The following PCDHA1 variants were observed in gnomAD, a reference collection of about 807,000 sequenced individuals.
PCDHA1 encodes the protein protocadherin alpha 1, also known as protocadherin alpha-1.
Under a neutral mutation model 61.3 loss-of-function variants are expected in PCDHA1, and 42 were observed. The ratio of observed to expected loss-of-function variants is 0.69; its 90% CI spans 0.54 to 0.89. The LOEUF (loss-of-function observed/expected upper bound fraction) is 0.89. Among genes scored for constraint, PCDHA1 ranks in the 40% least tolerant of loss-of-function variants. The pLI is 0.00. For synonymous variants in PCDHA1, 610 were observed against 553.8 expected, an observed-to-expected ratio of 1.10 and a Z score of -1.43; for missense variants, 1,256 against 1,235.3, an observed-to-expected ratio of 1.02 and a Z score of -0.25.
At chr5:140,875,094 T>C (rs1554167483) in intron 1 of PCDHA1, among the ~76,000 whole-genome samples, 1 of 152,258 alleles carries the variant, frequency 6.6e-6, no homozygotes. Flanking sequence ...AAATTGTTGA[T>C]GTTTTGTTAC....
chr5:140,903,301 A>G (rs575233990), intron 1 of PCDHA1, among the ~76,000 whole-genome samples: 1 of 152,302 alleles, frequency 6.6e-6, no homozygotes, highest in East Asian at 1.9e-4. Context: ...GAAATTTAGT[A>G]TACAATAAAG....
chr5:140,976,933 A>G (rs1554238099), intron 1 of PCDHA1, among the ~76,000 whole-genome samples: 1 of 152,198 alleles, frequency 6.6e-6, no homozygotes, highest in African/African-American at 2.4e-5. Context: ...CTGTGTAGCT[A>G]CTTAAAACAT....
intron 1 of PCDHA1, among the ~76,000 whole-genome samples, chr5:140,887,239 G>C (rs1248062448): frequency 6.6e-6 from 1 of 151,736 alleles, no homozygotes. Flanking sequence ...TGAGACTACC[G>C]GCGCCCGCCA....
At chr5:140,997,335 A>G (rs2097768018) in intron 3 of PCDHA1, among the ~76,000 whole-genome samples, 1 of 152,230 alleles carries the variant, frequency 6.6e-6, no homozygotes, top group African/African-American at 2.4e-5. Context: ...TTCGTTGTAC[A>G]AATATCATAG....
chr5:140,962,370 T>G (rs1554225991), intron 1 of PCDHA1, among the ~76,000 whole-genome samples: 1 of 152,214 alleles, frequency 6.6e-6, no homozygotes, highest in South Asian at 2.1e-4. Flanking sequence ...GCTAGTTTGA[T>G]TTTATCTGTT....
chr5:140,937,868 C>T (rs1433466146), intron 1 of PCDHA1, among the ~76,000 whole-genome samples: 2 of 150,648 alleles, frequency 1.3e-5, no homozygotes, highest in Admixed American at 6.6e-5. Context: ...GCCGAGATCG[C>T]GCCACTGCAC....
intron 1 of PCDHA1, among the ~76,000 whole-genome samples, chr5:140,893,688 C>G (rs903086896): frequency 6.6e-6 from 1 of 152,168 alleles, no homozygotes; most frequent in Admixed American, 6.5e-5. Context: ...TATATCATCT[C>G]ATTCTATCCT....
intron 1 of PCDHA1, among the ~76,000 whole-genome samples, chr5:140,940,236 A>G (rs1487572447): frequency 1.3e-5 from 2 of 152,200 alleles, no homozygotes; most frequent in East Asian, 3.8e-4. Flanking sequence ...TTGGTACATT[A>G]AAGTTACCTC....
At chr5:140,979,894 C>G (rs1183667310) in intron 2 of PCDHA1, among the ~76,000 whole-genome samples, 2 of 152,206 alleles carry the variant, frequency 1.3e-5, no homozygotes, top group African/African-American at 4.8e-5. Context: ...ATTCACCAAA[C>G]TTAGATCAGT....
chr5:140,822,774 T>C (rs2150119288), intron 1 of PCDHA1: 2 of 1,614,014 alleles, frequency 1.2e-6, no homozygotes, highest in Non-Finnish European at 1.7e-6. Context: ...CAGGACACTG[T>C]AAAGTAGTAG....
chr5:140,976,553 A>C (rs1554237789), intron 1 of PCDHA1, among the ~76,000 whole-genome samples: 1 of 152,074 alleles, frequency 6.6e-6, no homozygotes, highest in African/African-American at 2.4e-5. Flanking sequence ...CCTATCTCAT[A>C]AATAAATAAA....
intron 1 of PCDHA1, among the ~76,000 whole-genome samples, chr5:140,956,378 G>A (rs1317429422): frequency 5.9e-5 from 9 of 152,072 alleles, no homozygotes; most frequent in African/African-American, 1.7e-4. Context: ...GAATTTTATC[G>A]AAGGCCTTTT....
rs1761316097 is a variant in PCDHA1, at chr5:140,786,569, G to C, written c.279G>C (p.Glu93Asp). The change falls in exon 1 of 4, where the codon GAG (glutamate) becomes GAC (aspartate). Residue 93 changes from glutamate (E) to aspartate (D), a missense_variant. Coordinates refer to ENST00000504120, the MANE Select transcript of PCDHA1 (RefSeq NM_018900.4). ...TTGTGAATTCTCGGATCGATCGCGA[G>C]GAGCTGTGCCAGTGGAGCGCGGAGT... ...ILFVNSRIDR[E>D]ELCQWSAECS... The C allele has an allele frequency of 6.2e-7, 1 of 1,614,150 alleles. No individual in the cohort carries two copies. The highest frequency in any genetic ancestry group is 1.3e-5 in the African/African-American group (1 of 74,952).
intron 1 of PCDHA1, among the ~76,000 whole-genome samples, chr5:140,901,055 A>G (rs1454535703): frequency 6.6e-6 from 1 of 152,088 alleles, no homozygotes; most frequent in African/African-American, 2.4e-5. Context: ...AAATTAGATT[A>G]TTAGATTTTT....
At chr5:140,877,109 G>T (rs370191624) in intron 1 of PCDHA1, 1 of 1,613,590 alleles carries the variant, frequency 6.2e-7, no homozygotes, top group South Asian at 1.1e-5. Flanking sequence ...CCGCCTCTGG[G>T]CAGCAACGTG....
Position 140,842,675 on chromosome 5 carries a change from G to A in PCDHA1, c.2394+53991G>A. The A allele has an allele frequency of 1.3e-5, 20 of 1,595,468 alleles. 3 individuals are homozygous for A. The highest frequency in any genetic ancestry group is 3.5e-4 in the Middle Eastern group (2 of 5,774). ...GGAGGTGGCCGACGTGAACGACAAT[G>A]CTCCGGCGTTCGCGCAGCCCGAGTA... On this transcript the variant is annotated intron_variant, in intron 1 of 3. Transcript: ENST00000504120.
intron 1 of PCDHA1, among the ~76,000 whole-genome samples, chr5:140,820,440 C>T (rs1360100180): frequency 3.3e-5 from 5 of 151,930 alleles, no homozygotes; most frequent in Non-Finnish European, 5.9e-5. Context: ...AATTGCTAAT[C>T]TCTTGGTCCC....
At chr5:140,944,558 G>A (rs140707063) in intron 1 of PCDHA1, among the ~76,000 whole-genome samples, 10 of 152,230 alleles carry the variant, frequency 6.6e-5, no homozygotes, top group African/African-American at 2.2e-4. Flanking sequence ...TAGTTTTCCT[G>A]GCAACTTACT....
chr5:140,839,338 AG>A (rs2150296431), intron 1 of PCDHA1, among the ~76,000 whole-genome samples: 1 of 151,246 alleles, frequency 6.6e-6, no homozygotes, highest in Non-Finnish European at 1.5e-5. Context: ...TGAAGTTGAT[AG>A]GGGATCCTCC....
Sources: allele counts gnomAD v4.1 joint callset (sites outside exome capture counted in the v4.1 genomes callset), GRCh38; gene constraint gnomAD v4.1.1; transcripts MANE v1.5; gene names NCBI Gene and HGNC (gene_info 2026-07-23, HGNC 2026-07-21).